The following TCERG1L variants were observed in gnomAD, a reference collection of about 807,000 sequenced individuals.
TCERG1L encodes transcription elongation regulator 1-like protein.
Under a neutral mutation model 56.3 loss-of-function variants are expected in TCERG1L, and 37 were observed. That is an observed-to-expected ratio of 0.66 (90% CI 0.51 to 0.87). The LOEUF is 0.87. Among genes scored for constraint, TCERG1L ranks in the 40% least tolerant of loss-of-function variants. TCERG1L has a pLI of 0.00. For missense variants in TCERG1L, 799 were observed against 774.2 expected (o/e 1.03, Z -0.38); for synonymous variants, 324 against 326.3 (o/e 0.99, Z 0.08).
intron 11 of TCERG1L, among the ~76,000 whole-genome samples, chr10:131,096,935 C>T (rs1407172277): frequency 6.7e-6 from 1 of 150,338 alleles, no homozygotes; most frequent in Non-Finnish European, 1.5e-5. Flanking sequence ...CATGGTGTCT[C>T]ACGCCTGTAA....
intron 7 of TCERG1L, among the ~76,000 whole-genome samples, chr10:131,145,138 C>T (rs965466091): frequency 6.6e-6 from 1 of 152,204 alleles, no homozygotes; most frequent in African/African-American, 2.4e-5. Flanking sequence ...CATGATCTGC[C>T]TTTGCCAAGC....
chr10:131,282,094 C>A (rs1258176107), intron 3 of TCERG1L, among the ~76,000 whole-genome samples: 1 of 147,564 alleles, frequency 6.8e-6, no homozygotes, highest in African/African-American at 2.5e-5. Context: ...GGAGATCACG[C>A]CACTGCAGTC....
chr10:131,297,770 T>G (rs185581825), intron 3 of TCERG1L, among the ~76,000 whole-genome samples: 1 of 152,330 alleles, frequency 6.6e-6, no homozygotes, highest in East Asian at 1.9e-4. Context: ...GAGTTATTCA[T>G]GTTTTCTATT....
Position 131,311,321 on chromosome 10 carries a change from CGCG to C in TCERG1L, c.312_314del (p.Ala105del), listed in dbSNP as rs576396565. The C allele has an allele frequency of 3.4e-4, 398 of 1,166,854 alleles. No individual in the cohort carries two copies. The highest frequency in any genetic ancestry group is 1.1e-3 in the East Asian group (30 of 27,586). The allele number at this position is 1,166,854 out of a possible 1,614,324, so 72.3% of individuals were successfully genotyped here. The stretch of plus-strand genomic sequence containing the variant: ...GCCCGTGGAGCGCGGGGAAGGGGTG[CGCG>C]GCGGCGGCGGCGGCGGAGTCTGGCG... On this transcript the variant is annotated inframe_deletion, in exon 1 of 12. Transcript: ENST00000368642. The surrounding 1 kb of genome is among the most constrained non-coding windows in gnomAD (Gnocchi z 4.0).
At chr10:131,282,425 C>T (rs1846470121) in intron 3 of TCERG1L, among the ~76,000 whole-genome samples, 1 of 149,670 alleles carries the variant, frequency 6.7e-6, no homozygotes, top group Non-Finnish European at 1.5e-5. Flanking sequence ...TGATACCAAA[C>T]AGGCAGATGG....
chr10:131,173,269 A>T (rs561474711), intron 4 of TCERG1L, among the ~76,000 whole-genome samples: 1 of 152,308 alleles, frequency 6.6e-6, no homozygotes, highest in Non-Finnish European at 1.5e-5. Flanking sequence ...GAGATAAAGT[A>T]GGCACACTGA....
intron 4 of TCERG1L, among the ~76,000 whole-genome samples, chr10:131,220,828 C>T (rs1845723406): frequency 6.6e-6 from 1 of 152,222 alleles, no homozygotes; most frequent in Admixed American, 6.5e-5. Context: ...AGAGCAGCAC[C>T]TCGGGGGCTC....
chr10:131,143,630 C>T (rs1240486412), intron 7 of TCERG1L, among the ~76,000 whole-genome samples: 1 of 152,178 alleles, frequency 6.6e-6, no homozygotes, highest in East Asian at 1.9e-4. Context: ...CTGCTGCAGG[C>T]GAAGACAGCG....
At chr10:131,233,197 C>T (rs1376962612) in intron 4 of TCERG1L, among the ~76,000 whole-genome samples, 3 of 152,204 alleles carry the variant, frequency 2.0e-5, no homozygotes, top group Non-Finnish European at 1.5e-5. Context: ...ACAGATCATA[C>T]ATCGCGAGAG....
intron 4 of TCERG1L, among the ~76,000 whole-genome samples, chr10:131,215,119 C>T (rs527321184): frequency 6.6e-6 from 1 of 152,278 alleles, no homozygotes; most frequent in Non-Finnish European, 1.5e-5. Context: ...CTGATACTTT[C>T]TACTCAATGC....
At chr10:131,263,432 T>C (rs1846252129) in intron 3 of TCERG1L, among the ~76,000 whole-genome samples, 1 of 152,236 alleles carries the variant, frequency 6.6e-6, no homozygotes, top group Non-Finnish European at 1.5e-5. Flanking sequence ...TTGCAGTTGT[T>C]TGGCCTGGCT....
intron 10 of TCERG1L, among the ~76,000 whole-genome samples, chr10:131,098,747 C>T (rs567274302): frequency 5.5e-4 from 84 of 152,280 alleles, no homozygotes; most frequent in African/African-American, 1.8e-3. Flanking sequence ...AACCAAGTGG[C>T]GGTTTGGAAC....
At chr10:131,149,388 T>C (rs905192505) in intron 6 of TCERG1L, among the ~76,000 whole-genome samples, 1 of 151,690 alleles carries the variant, frequency 6.6e-6, no homozygotes, top group Admixed American at 6.6e-5. Context: ...AGGCCAGGGA[T>C]ACCTGACCTC....
chr10:131,207,108 CAAGA>C (rs1308432995), intron 4 of TCERG1L, among the ~76,000 whole-genome samples: 2 of 152,230 alleles, frequency 1.3e-5, no homozygotes, highest in African/African-American at 4.8e-5. Flanking sequence ...GGCCACTGGC[CAAGA>C]AAGCTGCATG....
At chr10:131,161,856 C>A (rs1179767801) in intron 6 of TCERG1L, 1 of 152,330 alleles carries the variant, frequency 6.6e-6, no homozygotes, top group Non-Finnish European at 1.5e-5. Flanking sequence ...GAGGGTGGCG[C>A]CGGCGAGGCC....
chr10:131,181,373 T>C (rs913166892), intron 4 of TCERG1L, among the ~76,000 whole-genome samples: 5 of 152,200 alleles, frequency 3.3e-5, no homozygotes, highest in South Asian at 4.1e-4. Flanking sequence ...AGGTCTGCGA[T>C]TGGGCGGGCC....
In TCERG1L at chr10:131,195,183, G is replaced by A. The variant is rs145180152; in HGVS notation, c.857-28298C>T. On this transcript the variant is annotated intron_variant, in intron 4 of 11. Transcript: ENST00000368642. ...CATACTTTGATAAGAAATGGAGCAT[G>A]ACATGAGATCATCTTAGCAGGCACA... Among the ~76,000 whole-genome samples, 296 of 152,346 alleles carry A rather than the reference G, an allele frequency of 1.9e-3. 1 individual carries two copies. The highest frequency in any genetic ancestry group is 2.9e-3 in the Non-Finnish European group (198 of 68,040).
intron 4 of TCERG1L, among the ~76,000 whole-genome samples, chr10:131,242,400 CAGAAGTGCACA>C (rs1477886452): frequency 6.6e-6 from 1 of 152,100 alleles, no homozygotes; most frequent in African/African-American, 2.4e-5. Context: ...GACGAACAGG[CAGAAGTGCACA>C]AGAAAGTCAC....
At chr10:131,195,419 G>A (rs1031701675) in intron 4 of TCERG1L, among the ~76,000 whole-genome samples, 3 of 152,130 alleles carry the variant, frequency 2.0e-5, no homozygotes, top group Admixed American at 1.3e-4. Context: ...GGCACCAGAC[G>A]GAAACCAAAA....
Sources: allele counts gnomAD v4.1 joint callset (sites outside exome capture counted in the v4.1 genomes callset), GRCh38; gene constraint gnomAD v4.1.1; non-coding constraint Gnocchi (gnomAD v3.1); transcripts MANE v1.5; gene names NCBI Gene and HGNC (gene_info 2026-07-23, HGNC 2026-07-21).